The following COL14A1 variants were observed in gnomAD, a reference collection of about 807,000 sequenced individuals.
COL14A1 encodes the protein collagen type XIV alpha 1 chain, also known as collagen alpha-1(XIV) chain.
COL14A1 carries 136 observed loss-of-function variants against 230.3 expected under a neutral mutation model. The observed-to-expected ratio is 0.59, with a 90% CI of 0.51 to 0.68. The LOEUF (loss-of-function observed/expected upper bound fraction) is 0.68. Among genes scored for constraint, COL14A1 ranks in the 30% least tolerant of loss-of-function variants. The probability of loss-of-function intolerance (pLI) is 0.00; values close to 1 mark genes in which losing one functional copy is unlikely to be tolerated. For synonymous variants in COL14A1, 792 were observed against 784.1 expected (o/e 1.01, Z -0.17); for missense variants, 1,976 against 2,215.8 (o/e 0.89, Z 2.17).
intron 5 of COL14A1, among the ~76,000 whole-genome samples, chr8:120,168,999 G>A: frequency 6.6e-6 from 1 of 152,000 alleles, no homozygotes; most frequent in Non-Finnish European, 1.5e-5. Context: ...GGGATTACAG[G>A]TGCGTGCCAC....
At chr8:120,293,664 A>G (rs777218627) in intron 34 of COL14A1, among the ~76,000 whole-genome samples, 2 of 151,850 alleles carry the variant, frequency 1.3e-5, no homozygotes, top group Non-Finnish European at 3.0e-5. Context: ...TGCTTCTTCC[A>G]TTAGGACAGA....
At chr8:120,327,188 T>C (rs939084995) in intron 40 of COL14A1, among the ~76,000 whole-genome samples, 2 of 152,206 alleles carry the variant, frequency 1.3e-5, no homozygotes, top group Admixed American at 1.3e-4. Flanking sequence ...GGTGCCCTGA[T>C]TGGACCCCCT....
At chr8:120,172,441 G>A (rs1201848496) in intron 5 of COL14A1, among the ~76,000 whole-genome samples, 4 of 152,110 alleles carry the variant, frequency 2.6e-5, no homozygotes, top group Non-Finnish European at 5.9e-5. Context: ...ATGAGCCACC[G>A]CAGCCGGTTA....
intron 44 of COL14A1, among the ~76,000 whole-genome samples, chr8:120,343,807 G>A (rs1423987664): frequency 6.6e-6 from 1 of 152,110 alleles, no homozygotes; most frequent in Non-Finnish European, 1.5e-5. Flanking sequence ...TAAATAACCT[G>A]TATCTTGAAT....
intron 5 of COL14A1, among the ~76,000 whole-genome samples, chr8:120,185,327 G>T (rs1403501334): frequency 1.3e-5 from 2 of 152,104 alleles, no homozygotes; most frequent in African/African-American, 4.8e-5. Context: ...TGATATGTTG[G>T]AAAATACATA....
intron 41 of COL14A1, among the ~76,000 whole-genome samples, 162 bp from the exon 42 acceptor site, chr8:120,332,502 C>T (rs975969603): frequency 6.6e-6 from 1 of 152,162 alleles, no homozygotes; most frequent in Non-Finnish European, 1.5e-5. Context: ...AAAAAAAAGT[C>T]TTCCCTCCGT....
At chr8:120,136,137 A>G (rs996745768) in intron 1 of COL14A1, among the ~76,000 whole-genome samples, 1 of 152,080 alleles carries the variant, frequency 6.6e-6, no homozygotes, top group Non-Finnish European at 1.5e-5. Flanking sequence ...CCTCTAGTAC[A>G]GTGTTGAGTG....
At chr8:120,365,606 T>C (rs1420390301) in intron 45 of COL14A1, among the ~76,000 whole-genome samples, 1 of 152,220 alleles carries the variant, frequency 6.6e-6, no homozygotes, top group Non-Finnish European at 1.5e-5. Context: ...AACAACTTGA[T>C]TAGCAATTGA....
intron 11 of COL14A1, 147 bp downstream of exon 11, chr8:120,208,508 G>A: frequency 1.2e-6 from 1 of 857,860 alleles, no homozygotes; most frequent in Non-Finnish European, 1.7e-6. Flanking sequence ...CGTGCTATAT[G>A]TGATACTGGT....
intron 34 of COL14A1, among the ~76,000 whole-genome samples, chr8:120,293,822 G>A (rs1319729012): frequency 2.0e-5 from 3 of 151,838 alleles, no homozygotes; most frequent in Non-Finnish European, 2.9e-5. Context: ...CCCCCCAAGT[G>A]TGTCTATACC....
At chr8:120,231,409 C>T in intron 18 of COL14A1, 58 bp from the exon 19 acceptor site, 1 of 1,561,232 alleles carries the variant, frequency 6.4e-7, no homozygotes, top group Non-Finnish European at 8.7e-7. Context: ...TTCTCTGTGG[C>T]TCATTTTGGA....
intron 45 of COL14A1, among the ~76,000 whole-genome samples, chr8:120,350,980 G>C (rs1476621305): frequency 2.7e-5 from 4 of 150,116 alleles, no homozygotes; most frequent in East Asian, 2.0e-4. Context: ...TGACCACATA[G>C]TTGGAAGTAA....
At chr8:120,147,725 G>A (rs1427965264) in intron 1 of COL14A1, 81 bp from the exon 2 acceptor site, 2 of 663,678 alleles carry the variant, frequency 3.0e-6, no homozygotes, top group Non-Finnish European at 5.1e-6. Context: ...AATCCATGTT[G>A]GCTTATTCGC....
chr8:120,323,178 C>CT (rs1206940068), intron 40 of COL14A1, among the ~76,000 whole-genome samples: 2 of 151,636 alleles, frequency 1.3e-5, no homozygotes, highest in Non-Finnish European at 2.9e-5. Context: ...TGATGTTGAG[C>CT]TTTTTTTTCA....
chr8:120,280,562 C>T (rs1429964769), intron 29 of COL14A1, 149 bp from the exon 30 acceptor site: 5 of 765,462 alleles, frequency 6.5e-6, no homozygotes, highest in Non-Finnish European at 1.1e-5. Flanking sequence ...TTCATGAAAC[C>T]ACAGAAAACC....
chr8:120,314,587 T>G (rs1821149702), intron 38 of COL14A1, among the ~76,000 whole-genome samples: 1 of 152,230 alleles, frequency 6.6e-6, no homozygotes, highest in Non-Finnish European at 1.5e-5. Flanking sequence ...TTAATCTTAC[T>G]GTAGGAGTCT....
intron 45 of COL14A1, among the ~76,000 whole-genome samples, chr8:120,362,169 C>A (rs866098226): frequency 6.6e-6 from 1 of 152,174 alleles, no homozygotes; most frequent in Non-Finnish European, 1.5e-5. Flanking sequence ...AGCACAGAGG[C>A]TTCTGTGCCA....
chr8:120,243,361 A>C (rs1818663775), intron 19 of COL14A1, among the ~76,000 whole-genome samples: 1 of 152,204 alleles, frequency 6.6e-6, no homozygotes, highest in East Asian at 1.9e-4. Flanking sequence ...GCTTCAGCTC[A>C]AGAAAACTTG....
At chr8:120,124,983 G>C (rs1814273545), upstream of COL14A1, 1 of 152,458 alleles carries the variant, frequency 6.6e-6, no homozygotes, top group African/African-American at 2.4e-5. Context: ...CGGGGATGGG[G>C]GAGAGGAGGA....
Sources: allele counts gnomAD v4.1 joint callset (sites outside exome capture counted in the v4.1 genomes callset), GRCh38; gene constraint gnomAD v4.1.1; transcripts MANE v1.5; gene names NCBI Gene and HGNC (gene_info 2026-07-23, HGNC 2026-07-21).